Variants in MAD1L1 observed in about 807,000 individuals in gnomAD.
MAD1L1 encodes mitotic spindle assembly checkpoint protein MAD1.
In MAD1L1, 95 loss-of-function variants were observed where a neutral mutation model predicts 96.9. That is an observed-to-expected ratio of 0.98 (90% CI 0.83 to 1.16). The LOEUF (loss-of-function observed/expected upper bound fraction) is 1.16, where lower values mean the gene tolerates loss of function less well. Ranked by LOEUF, MAD1L1 falls within the 50% of genes most tolerant of loss-of-function variation. The pLI, the probability that MAD1L1 is intolerant of heterozygous loss-of-function variation, is 0.00. For synonymous variants in MAD1L1, 473 were observed against 396.6 expected, an observed-to-expected ratio of 1.19 and a Z score of -2.29; for missense variants, 1,007 against 954.4, an observed-to-expected ratio of 1.06 and a Z score of -0.73.
chr7:1,914,660 G>T (rs1036482459), intron 17 of MAD1L1, among the ~76,000 whole-genome samples: 1 of 152,198 alleles, frequency 6.6e-6, no homozygotes, highest in Admixed American at 6.5e-5. Flanking sequence ...GTTGCCCAGG[G>T]TAGCGAACAG....
At chr7:1,878,703 C>A (rs746088425) in intron 18 of MAD1L1, among the ~76,000 whole-genome samples, 1 of 149,726 alleles carries the variant, frequency 6.7e-6, no homozygotes, top group East Asian at 2.0e-4. Flanking sequence ...GATGCTTTCT[C>A]GCTAGCATCA....
rs13237133 is a variant in MAD1L1, at chr7:2,225,273, A to C, written c.291+137T>G. The C allele has an allele frequency of 6.0e-6, 1 of 167,144 alleles. No homozygotes were observed. The allele number at this position is 167,144 out of a possible 1,614,324, so 10.4% of individuals were successfully genotyped here. A position where few individuals can be genotyped will look rare whatever the true frequency, so the allele number is the denominator to read the frequency against. On this transcript the variant is annotated intron_variant, in intron 4 of 18. Transcript: ENST00000265854. ...CCAGGGACTGGGATCTGATTTCTTA[A>C]GACCTGGCAGGTACCATGCACAGCC...
chr7:1,905,820 C>G (rs58372311), intron 17 of MAD1L1, among the ~76,000 whole-genome samples: 2,136 of 152,204 alleles, frequency 0.014, 46 homozygotes, highest in African/African-American at 0.049. Context: ...GAGGCCAAAG[C>G]AGGCAGATTA....
intron 10 of MAD1L1, among the ~76,000 whole-genome samples, chr7:2,177,652 A>C (rs1791008323): frequency 6.6e-6 from 1 of 152,248 alleles, no homozygotes; most frequent in South Asian, 2.1e-4. Flanking sequence ...CACATCAGAC[A>C]TTTCATGTTT....
intron 18 of MAD1L1, among the ~76,000 whole-genome samples, chr7:1,880,470 T>C (rs1413038154): frequency 1.3e-5 from 2 of 152,178 alleles, no homozygotes; most frequent in African/African-American, 4.8e-5. Flanking sequence ...GACACAGTGA[T>C]GACAAAGGGC....
At chr7:1,843,462 T>C (rs1372299010) in intron 18 of MAD1L1, among the ~76,000 whole-genome samples, 1 of 152,148 alleles carries the variant, frequency 6.6e-6, no homozygotes, top group East Asian at 1.9e-4. Context: ...CTGAGGGGGC[T>C]TGATGGGCGT....
At chr7:2,020,154 C>G (rs541004079) in intron 12 of MAD1L1, among the ~76,000 whole-genome samples, 1 of 152,326 alleles carries the variant, frequency 6.6e-6, no homozygotes, top group East Asian at 1.9e-4. Context: ...AGGAGCCGCC[C>G]AGGCTGCGGC....
At chr7:2,129,439 C>T (rs565664764) in intron 11 of MAD1L1, among the ~76,000 whole-genome samples, 64 of 152,332 alleles carry the variant, frequency 4.2e-4, no homozygotes, top group African/African-American at 1.3e-3. Flanking sequence ...CCTGTCCACA[C>T]GGCTCCTGCT....
Position 1,936,767 on chromosome 7 carries a change from C to T in MAD1L1, c.1727G>A (p.Arg576His), listed in dbSNP as rs201154265. The T allele has an allele frequency of 1.1e-3, 1,718 of 1,572,212 alleles. 2 individuals carry two copies. The highest frequency in any genetic ancestry group is 1.7e-3 in the Middle Eastern group (10 of 5,976). The change falls in exon 17 of 19, where the codon CGC (arginine) becomes CAC (histidine). Residue 576 changes from arginine to histidine, a missense_variant. Transcript: ENST00000265854. Reference protein sequence around the residue: ...AECERLRGLLRAMERGGTVPA... With the variant: ...AECERLRGLLHAMERGGTVPA... ...GACGGTGCCTCCTCTCTCCATGGCGCGCAGGAGCCCGCGCAGTCGCTCGCA... is the reference window on the plus strand; with the variant it reads ...GACGGTGCCTCCTCTCTCCATGGCGTGCAGGAGCCCGCGCAGTCGCTCGCA...
intron 10 of MAD1L1, among the ~76,000 whole-genome samples, chr7:2,172,055 G>T (rs1334160800): frequency 6.6e-6 from 1 of 152,120 alleles, no homozygotes; most frequent in Non-Finnish European, 1.5e-5. Flanking sequence ...CAGGACAGCT[G>T]CTAACCTCTC....
chr7:2,161,366 C>T (rs969608415), intron 10 of MAD1L1, among the ~76,000 whole-genome samples: 6 of 152,148 alleles, frequency 3.9e-5, no homozygotes, highest in South Asian at 2.1e-4. Flanking sequence ...CTCGGCCTCC[C>T]GCGGTGCCGG....
At chr7:2,124,544 G>A (rs1224202106) in intron 11 of MAD1L1, among the ~76,000 whole-genome samples, 3 of 152,198 alleles carry the variant, frequency 2.0e-5, no homozygotes, top group Non-Finnish European at 4.4e-5. Context: ...GCCAACAGAG[G>A]CAGACTGCCC....
intron 11 of MAD1L1, among the ~76,000 whole-genome samples, chr7:2,091,530 C>G (rs1786213352): frequency 6.6e-6 from 1 of 152,258 alleles, no homozygotes; most frequent in South Asian, 2.1e-4. Flanking sequence ...GATCCCAGCA[C>G]TTTGGGAGGC....
intron 14 of MAD1L1, among the ~76,000 whole-genome samples, chr7:1,996,156 G>A (rs942995645): frequency 9.9e-5 from 15 of 151,136 alleles, no homozygotes; most frequent in African/African-American, 3.6e-4. Context: ...GGCATGCAGG[G>A]TCCCCCGGGT....
At chr7:2,227,247 C>A (rs1793949642) in intron 3 of MAD1L1, among the ~76,000 whole-genome samples, 1 of 151,698 alleles carries the variant, frequency 6.6e-6, no homozygotes, top group African/African-American at 2.4e-5. Flanking sequence ...AGTGAGCCAA[C>A]ATTGTACCAC....
chr7:2,105,999 C>A (rs1051513715), intron 11 of MAD1L1, among the ~76,000 whole-genome samples: 4 of 138,972 alleles, frequency 2.9e-5, no homozygotes, highest in African/African-American at 1.1e-4. Context: ...CCACATATGG[C>A]CCCGCCCCTG....
intron 10 of MAD1L1, among the ~76,000 whole-genome samples, chr7:2,165,220 A>G (rs1196401800): frequency 2.0e-5 from 3 of 151,908 alleles, no homozygotes; most frequent in Non-Finnish European, 4.4e-5. Context: ...AAAAAGAAAA[A>G]GAAAAAAAAT....
intron 10 of MAD1L1, among the ~76,000 whole-genome samples, chr7:2,149,592 T>C (rs919449374): frequency 6.6e-6 from 1 of 152,096 alleles, no homozygotes; most frequent in African/African-American, 2.4e-5. Context: ...GAGTTTTAAG[T>C]TCCTTTCCTC....
intron 17 of MAD1L1, among the ~76,000 whole-genome samples, chr7:1,905,943 G>A (rs1246870133): frequency 4.0e-5 from 6 of 151,644 alleles, no homozygotes; most frequent in Admixed American, 6.6e-5. Context: ...CCAGCTACTC[G>A]GGAGGCTGAG....
Sources: gnomAD v4.1 joint callset for allele counts (sites outside exome capture counted in the v4.1 genomes callset) on GRCh38, gnomAD v4.1.1 for gene constraint, MANE v1.5 for transcripts, NCBI Gene and HGNC (gene_info 2026-07-23, HGNC 2026-07-21) for gene names.